The following STX8 variants were observed in gnomAD, a reference collection of about 807,000 sequenced individuals.
STX8 encodes the protein syntaxin 8.
STX8 carries 23 observed loss-of-function variants against 37.5 expected under a neutral mutation model. The observed-to-expected ratio is 0.61, with a 90% CI of 0.44 to 0.87. The LOEUF (loss-of-function observed/expected upper bound fraction) is 0.87, where lower values mean the gene tolerates loss of function less well. Ranked by LOEUF, STX8 falls within the 40% of genes least tolerant of loss-of-function variation. The probability of loss-of-function intolerance (pLI) is 0.00; values close to 1 mark genes in which losing one functional copy is unlikely to be tolerated. For missense variants in STX8, 313 were observed against 284.7 expected, an observed-to-expected ratio of 1.10 and a Z score of -0.71; for synonymous variants, 115 against 99.1, an observed-to-expected ratio of 1.16 and a Z score of -0.95.
intron 7 of STX8, among the ~76,000 whole-genome samples, chr17:9,355,656 C>T (rs373241066): frequency 2.0e-4 from 31 of 151,806 alleles, no homozygotes; most frequent in East Asian, 1.4e-3. Flanking sequence ...ATTACAGGCG[C>T]GCTCCACCAC....
chr17:9,523,686 TCTCA>T (rs1329787214), intron 4 of STX8, among the ~76,000 whole-genome samples: 1 of 152,206 alleles, frequency 6.6e-6, no homozygotes, highest in Non-Finnish European at 1.5e-5. Context: ...TTGTTTCCAT[TCTCA>T]CTCATTTTAT....
At chr17:9,364,688 G>A (rs985592152) in intron 7 of STX8, among the ~76,000 whole-genome samples, 2 of 151,996 alleles carry the variant, frequency 1.3e-5, no homozygotes, top group Admixed American at 6.6e-5. Context: ...CCACCACCAC[G>A]CTCAGCTAAT....
At chr17:9,546,591 G>GTTTGT (rs1906529737) in intron 3 of STX8, among the ~76,000 whole-genome samples, 58 of 52,214 alleles carry the variant, frequency 1.1e-3, no homozygotes, top group African/African-American at 4.3e-3. Context: ...TACAAAAGTG[G>GTTTGT]TTTTTTTTTT....
At chr17:9,450,884 A>G (rs1905018710) in intron 6 of STX8, among the ~76,000 whole-genome samples, 2 of 152,066 alleles carry the variant, frequency 1.3e-5, no homozygotes, top group Non-Finnish European at 2.9e-5. Context: ...ATCCTGAAAC[A>G]AGGCCTCTTT....
chr17:9,442,135 G>A (rs966920044), intron 6 of STX8, among the ~76,000 whole-genome samples: 5 of 152,190 alleles, frequency 3.3e-5, no homozygotes, highest in African/African-American at 1.2e-4. Context: ...CGCCACACAC[G>A]TTTTTCTTCC....
rs1018422942 is a variant in STX8 at position 9,359,506 on chromosome 17, T to C, written c.643+19046A>G. On this transcript the variant is annotated intron_variant, in intron 7 of 7. Coordinates refer to ENST00000306357, the MANE Select transcript of STX8 (RefSeq NM_004853.3). Reference sequence around the variant, plus strand: ...GTATTCCACAATGCTGAGACATATTTTTTTTTTTTTTTTTTTTTTGGGACA... The same window carrying C: ...GTATTCCACAATGCTGAGACATATTCTTTTTTTTTTTTTTTTTTTGGGACA... Among the ~76,000 whole-genome samples, 16 of 144,248 alleles carry C rather than the reference T, an allele frequency of 1.1e-4. No homozygotes were observed. In the East Asian group the frequency reaches 2.6e-3, roughly 24 times the overall value. The allele number at this position is 144,248 out of a possible 152,430, so 94.6% of individuals were successfully genotyped here.
intron 6 of STX8, among the ~76,000 whole-genome samples, chr17:9,484,100 A>G (rs1906470353): frequency 6.6e-6 from 1 of 152,160 alleles, no homozygotes; most frequent in Non-Finnish European, 1.5e-5. Context: ...AGTGATCTTG[A>G]TTTCTGGAAA....
At chr17:9,362,804 G>C (rs1344518689) in intron 7 of STX8, among the ~76,000 whole-genome samples, 1 of 147,384 alleles carries the variant, frequency 6.8e-6, no homozygotes, top group African/African-American at 2.6e-5. Flanking sequence ...CCTGGAGCCT[G>C]GGCGACAGAG....
intron 7 of STX8, among the ~76,000 whole-genome samples, chr17:9,360,359 C>A (rs887398094): frequency 6.6e-6 from 1 of 151,070 alleles, no homozygotes; most frequent in Non-Finnish European, 1.5e-5. Flanking sequence ...CTCAGCCTCC[C>A]GAGTAGCTGG....
At chr17:9,479,550 A>ATT (rs998105016) in intron 6 of STX8, among the ~76,000 whole-genome samples, 3 of 148,754 alleles carry the variant, frequency 2.0e-5, no homozygotes, top group Non-Finnish European at 3.0e-5. Context: ...ATATACATGT[A>ATT]TTATATATAT....
chr17:9,391,088 A>C (rs1032955597), intron 6 of STX8, among the ~76,000 whole-genome samples: 2 of 152,158 alleles, frequency 1.3e-5, no homozygotes, highest in Non-Finnish European at 2.9e-5. Context: ...ACACAGAAGA[A>C]TATTAGGAGA....
At chr17:9,262,558 GTTTT>G (rs912734907) in intron 7 of STX8, among the ~76,000 whole-genome samples, 2 of 150,496 alleles carry the variant, frequency 1.3e-5, no homozygotes, top group African/African-American at 5.0e-5. Flanking sequence ...GTTTTTTGGT[GTTTT>G]TTGTTTTTTT....
chr17:9,467,779 T>C (rs941656533), intron 6 of STX8, among the ~76,000 whole-genome samples: 3 of 152,162 alleles, frequency 2.0e-5, no homozygotes, highest in African/African-American at 7.2e-5. Flanking sequence ...GGGACCAAGG[T>C]TGCCTGCTCT....
At chr17:9,469,123 T>C (rs1905737879) in intron 6 of STX8, 1 of 152,162 alleles carries the variant, frequency 6.6e-6, no homozygotes, top group African/African-American at 2.4e-5. Flanking sequence ...AAGCTCAACC[T>C]AGGAGAAGGC....
intron 4 of STX8, among the ~76,000 whole-genome samples, chr17:9,525,058 C>T (rs946762207): frequency 6.6e-6 from 1 of 152,170 alleles, no homozygotes; most frequent in East Asian, 1.9e-4. Flanking sequence ...ATCCACCCAC[C>T]TTGACCTCCC....
chr17:9,433,671 C>T (rs753238596), intron 6 of STX8, among the ~76,000 whole-genome samples: 2 of 151,464 alleles, frequency 1.3e-5, no homozygotes, highest in Non-Finnish European at 2.9e-5. Context: ...TTAAGGAATA[C>T]ACAGAGTACT....
chr17:9,455,984 T>C (rs1294509062), intron 6 of STX8, among the ~76,000 whole-genome samples: 2 of 152,106 alleles, frequency 1.3e-5, no homozygotes, highest in Non-Finnish European at 2.9e-5. Context: ...ATCTGGGATC[T>C]GGGGGCACAA....
intron 4 of STX8, among the ~76,000 whole-genome samples, chr17:9,529,214 C>T (rs1436407774): frequency 6.6e-6 from 1 of 151,778 alleles, no homozygotes; most frequent in African/African-American, 2.4e-5. Flanking sequence ...TGACTTACAT[C>T]TCCATCTTGT....
chr17:9,427,396 T>A (rs1451709958), intron 6 of STX8, among the ~76,000 whole-genome samples: 1 of 152,096 alleles, frequency 6.6e-6, no homozygotes, highest in Non-Finnish European at 1.5e-5. Flanking sequence ...ACTTGTGTGT[T>A]GAAGGAGCAG....
Sources: allele counts gnomAD v4.1 joint callset (sites outside exome capture counted in the v4.1 genomes callset), GRCh38; gene constraint gnomAD v4.1.1; transcripts MANE v1.5; gene names NCBI Gene and HGNC (gene_info 2026-07-23, HGNC 2026-07-21).